CMA1: variants seen among roughly 807,000 people sequenced by gnomAD.
The protein encoded by CMA1 is chymase.
CMA1 carries 24 observed loss-of-function variants against 18.8 expected under a neutral mutation model. That is an observed-to-expected ratio of 1.28 (90% CI 0.92 to 1.80). The LOEUF (loss-of-function observed/expected upper bound fraction) is 1.80, where lower values mean the gene tolerates loss of function less well. Ranked by LOEUF, CMA1 falls within the 40% of genes most tolerant of loss-of-function variation. The pLI, the probability that CMA1 is intolerant of heterozygous loss-of-function variation, is 0.00. For missense variants in CMA1, 421 were observed against 302.8 expected (o/e 1.39, Z -2.90); for synonymous variants, 152 against 117.0 (o/e 1.30, Z -1.93).
rs765509983 is a variant in CMA1 at position 24,505,585 on chromosome 14, C to A, written c.675G>T (p.Lys225Asn). 2 of 1,614,032 alleles carry A rather than the reference C, an allele frequency of 1.2e-6. No individual in the cohort carries two copies. Among genetic ancestry groups the A allele is most frequent in the East Asian group, 4.5e-5 (2 of 44,868 alleles). ...GIVSYGRSDAKPPAVFTRISH... is the reference protein window; with the variant it reads ...GIVSYGRSDANPPAVFTRISH... ...AGATTCGGGTGAAGACAGCAGGGGG[C>A]TTTGCATCCGACCGTCCATAGGATA... Residue 225 changes from lysine (K) to asparagine (N), a missense_variant, in exon 5 of 5, where the codon AAG becomes AAT. Coordinates refer to ENST00000250378, the MANE Select transcript of CMA1 (RefSeq NM_001836.5).
At position 24,506,469 on chromosome 14, in the gene CMA1, C is replaced by G; in HGVS notation, c.345G>C (p.Lys115Asn). The G allele has an allele frequency of 7.4e-6, 12 of 1,614,062 alleles. No individual in the cohort carries two copies. Among genetic ancestry groups the G allele is most frequent in the African/African-American group, 1.3e-5 (1 of 75,000 alleles). Residue 115 changes from lysine (K) to asparagine (N), a missense_variant and splice_region_variant, in exon 3 of 5, where the codon AAG becomes AAC. Physicochemically the swap from Lys to Asn is moderately conservative, Grantham distance 94. Coordinates refer to ENST00000250378, the MANE Select transcript of CMA1 (RefSeq NM_001836.5). ...STLHHDIMLL[K>N]LKEKASLTLA... Reference sequence around the variant, plus strand: ...AAAGGGAGAAGAGAGGTGTTGTCACCTTTAGTAACATGATATCGTGGTGAA... The same window carrying G: ...AAAGGGAGAAGAGAGGTGTTGTCACGTTTAGTAACATGATATCGTGGTGAA...
Position 24,507,451 on chromosome 14 carries a change from G to T in CMA1, c.114C>A (p.Tyr38Ter), listed in dbSNP as rs13306254. 803 of 1,614,180 alleles carry T rather than the reference G, an allele frequency of 5.0e-4. 4 individuals carry two copies. In the East Asian group the frequency reaches 0.015, roughly 29 times the overall value. ...CKPHSRPYMAYLEIVTSNGPS... is the reference protein window; with the variant it reads ...CKPHSRPYMA ...GACCGTTGGAAGTTACAATTTCCAG[G>T]TAGGCCATGTAGGGGCGGGAATGTG... is the stretch of plus-strand genomic sequence containing the variant. Residue 38 changes from tyrosine (Y) to a stop codon, truncating the protein, a stop_gained, in exon 2 of 5, where the codon TAC becomes TAA. Transcript: ENST00000250378. LOFTEE classifies it high-confidence loss of function.
rs1473794083 is a variant in CMA1 at position 24,506,271 on chromosome 14, T to C, written c.357A>G (p.Lys119=). 1.2e-6 allele frequency: 2 copies of C among 1,613,852 alleles called. No individual in the cohort carries two copies. Among genetic ancestry groups the C allele is most frequent in the Non-Finnish European group, 1.7e-6 (2 of 1,179,966 alleles). ...TCCCCACAGCCAGGGTCAGGCTGGC[T>C]TTCTCCTTCAACTGTGAAGGGAATG... ...HDIMLLKLKE[K]ASLTLAVGTL... The change falls in exon 4 of 5, where the codon AAA becomes AAG. Residue 119 remains lysine (K), a synonymous_variant. Coordinates refer to ENST00000250378, the MANE Select transcript of CMA1 (RefSeq NM_001836.5).
rs1337189268 is a variant in CMA1, at chr14:24,506,269, G to A, written c.359C>T (p.Ala120Val). ...DIMLLKLKEK[A>V]SLTLAVGTLP... ...TGTCCCCACAGCCAGGGTCAGGCTG[G>A]CTTTCTCCTTCAACTGTGAAGGGAA... The change falls in exon 4 of 5, where the codon GCC becomes GTC. Residue 120 changes from alanine (A) to valine (V), a missense_variant. By Grantham distance (64) the Ala-to-Val change is moderately conservative (BLOSUM62 0). Transcript: ENST00000250378. 34 of 1,613,936 alleles carry A rather than the reference G, an allele frequency of 2.1e-5. No homozygotes were observed. Among genetic ancestry groups the A allele is most frequent in the Non-Finnish European group, 2.6e-5 (31 of 1,179,952 alleles).
In CMA1 at chr14:24,507,942, G is replaced by A. The variant is rs2138400249; in HGVS notation, c.58+236C>T. ...ACCCCTTTTCCTTCCACTTGCTCTG[G>A]GCTTTTCTACAATTGAGGTGAAATT... On this transcript the variant is annotated intron_variant, in intron 1 of 4. Coordinates refer to ENST00000250378, the MANE Select transcript of CMA1 (RefSeq NM_001836.5). 2.0e-5 allele frequency among the ~76,000 whole-genome samples: 3 copies of A among 151,534 alleles called. No individual in the cohort carries two copies. In the Middle Eastern group the frequency reaches 0.01, roughly 515 times the overall value.
rs888774143 is a variant in CMA1 at position 24,505,737 on chromosome 14, A to G, written c.601-78T>C. 10 of 1,517,200 alleles carry G rather than the reference A, an allele frequency of 6.6e-6. No homozygotes were observed. The African/African-American group carries it at 1.3e-4, about 19-fold the overall frequency. The allele number at this position is 1,517,200 out of a possible 1,614,324, so 94.0% of individuals were successfully genotyped here. On this transcript the variant is annotated intron_variant, in intron 4 of 4. Coordinates refer to ENST00000250378, the MANE Select transcript of CMA1 (RefSeq NM_001836.5). ...TGTCTGCCAGCCAGCTTGGAGTCAC[A>G]GTGAGACCTAAAGTCAGACGCAGGA...
chr14:24,507,995 G>A (rs1020033731), intron 1 of CMA1, 183 bp downstream of exon 1: 2 of 592,410 alleles, frequency 3.4e-6, no homozygotes, highest in South Asian at 2.0e-5. Context: ...GTCCTAGGCT[G>A]TAGAGAATGG....
chr14:24,505,583 GGC>G lies in CMA1; in HGVS notation c.675_676del (p.Lys225AsnfsTer31). 1 of 1,614,032 alleles carries G rather than the reference GGC, an allele frequency of 6.2e-7. No individual in the cohort carries two copies. Among genetic ancestry groups the G allele is most frequent in the African/African-American group, 1.3e-5 (1 of 75,036 alleles). ...GGAGATTCGGGTGAAGACAGCAGGGGGCTTTGCATCCGACCGTCCATAGGATA... is the reference window on the plus strand; with the variant it reads ...GGAGATTCGGGTGAAGACAGCAGGGGTTTGCATCCGACCGTCCATAGGATA... On this transcript the variant is annotated frameshift_variant, in exon 5 of 5. Coordinates refer to ENST00000250378, the MANE Select transcript of CMA1 (RefSeq NM_001836.5). LOFTEE classifies it high-confidence loss of function.
chr14:24,506,121 G>A lies in CMA1; in HGVS notation c.507C>T (p.Leu169=), dbSNP rs1014529037. The A allele has an allele frequency of 3.7e-6, 6 of 1,614,190 alleles. No individual in the cohort carries two copies. In the Admixed American group the frequency reaches 6.7e-5, roughly 18 times the overall value. Residue 169 remains leucine, a synonymous_variant, in exon 4 of 5, where the codon CTC becomes CTT. Transcript: ENST00000250378. ...SDTLQEVKLR[L]MDPQACSHFR... ...AGTGGCTGCAGGCCTGGGGATCCAT[G>A]AGTCTCAGCTTCACCTCTTGCAGAG...
chr14:24,505,666 G>A lies in CMA1; in HGVS notation c.601-7C>T, dbSNP rs778682089. ...GAGGGCCCCCAGAGTCTCCCTGTAG[G>A]GGGAGGAGAGAGAGAAGAAGGTGAG... On this transcript the variant is annotated splice_polypyrimidine_tract_variant and splice_region_variant and intron_variant, in intron 4 of 4. Coordinates refer to ENST00000250378, the MANE Select transcript of CMA1 (RefSeq NM_001836.5). 9 of 1,596,918 alleles carry A rather than the reference G, an allele frequency of 5.6e-6. No homozygotes were observed. The East Asian group carries it at 1.8e-4, about 32-fold the overall frequency.
At position 24,506,604 on chromosome 14, in the gene CMA1, C is replaced by G. The variant is rs754716628; in HGVS notation, c.210G>C (p.Arg70Ser). The change falls in exon 3 of 5, where the codon AGG (arginine) becomes AGC (serine). Residue 70 changes from arginine to serine, a missense_variant and splice_region_variant. Arg to Ser is a moderately radical substitution (Grantham distance 110). Coordinates refer to ENST00000250378, the MANE Select transcript of CMA1 (RefSeq NM_001836.5). ...GGGCTCCAAGGGTGACTGTTATAGACCTGTTGTGAGGAAGAAGGAAGGAAA... is the reference window on the plus strand; with the variant it reads ...GGGCTCCAAGGGTGACTGTTATAGAGCTGTTGTGAGGAAGAAGGAAGGAAA... Reference protein sequence around the residue: ...FVLTAAHCAGRSITVTLGAHN... With the variant: ...FVLTAAHCAGSSITVTLGAHN... The G allele has an allele frequency of 2.5e-6, 4 of 1,613,702 alleles. No individual in the cohort carries two copies. Among genetic ancestry groups the G allele is most frequent in the East Asian group, 2.2e-5 (1 of 44,878 alleles).
chr14:24,505,645 G>A lies in CMA1; in HGVS notation c.615C>T (p.Gly205=), dbSNP rs947727665. ...TKSAFKGDSG[G]PLLCAGVAQG... ...GGGCCACCCCAGCACACAGAAGAGG[G>A]CCCCCAGAGTCTCCCTGTAGGGGGA... Residue 205 remains glycine (G), a synonymous_variant, in exon 5 of 5, where the codon GGC becomes GGT. Coordinates refer to ENST00000250378, the MANE Select transcript of CMA1 (RefSeq NM_001836.5). The A allele has an allele frequency of 1.6e-5, 25 of 1,611,080 alleles. No homozygotes were observed. The Admixed American group carries it at 3.2e-4, about 20-fold the overall frequency.
intron 4 of CMA1, 98 bp from the exon 5 acceptor site, chr14:24,505,757 G>C (rs10140250): frequency 0.99 from 1,428,638 of 1,445,906 alleles, 707,373 homozygotes; most frequent in East Asian, 1. Context: ...AAAGTCAGAC[G>C]CAGGAGGTGG....
intron 4 of CMA1, 136 bp downstream of exon 4, chr14:24,505,892 T>A (rs1566531643): frequency 6.2e-6 from 8 of 1,280,724 alleles, no homozygotes; most frequent in Non-Finnish European, 7.6e-6. Context: ...GAGGCTGTCT[T>A]GGACCACGGG....
Position 24,505,433 on chromosome 14 carries a change from A to G in CMA1, c.*83T>C, listed in dbSNP as rs1236708411. ...GCTTAGGGTTGTGGCTGAGGGACCA[A>G]GGGTAGACCAGAATGAGTGGCACAC... On this transcript the variant is annotated 3_prime_UTR_variant, in exon 5 of 5. Transcript: ENST00000250378. The G allele has an allele frequency of 2.6e-5, 41 of 1,581,236 alleles. 1 individual carries two copies. Among genetic ancestry groups the G allele is most frequent in the Admixed American group, 1.0e-4 (6 of 59,874 alleles).
chr14:24,507,491 C>T lies in CMA1; in HGVS notation c.74G>A (p.Gly25Asp), dbSNP rs1361829193. Residue 25 changes from glycine (G) to aspartate (D), a missense_variant, in exon 2 of 5, where the codon GGC becomes GAC. Physicochemically the swap from Gly to Asp is moderately conservative, Grantham distance 94 (BLOSUM62 -1). Coordinates refer to ENST00000250378, the MANE Select transcript of CMA1 (RefSeq NM_001836.5). ...SRAEAGEIIG[G>D]TECKPHSRPY... is the part of the protein sequence containing the mutation. Reference sequence around the variant, plus strand: ...GCGGGAATGTGGCTTGCATTCTGTGCCCCCGATGATCTCCCCTGGAACAGA... The same window carrying T: ...GCGGGAATGTGGCTTGCATTCTGTGTCCCCGATGATCTCCCCTGGAACAGA... The T allele has an allele frequency of 5.0e-6, 8 of 1,613,494 alleles. No individual in the cohort carries two copies. Among genetic ancestry groups the T allele is most frequent in the Admixed American group, 1.7e-5 (1 of 59,982 alleles).
At position 24,507,464 on chromosome 14, in the gene CMA1, G is replaced by C. The variant is rs995567512; in HGVS notation, c.101C>G (p.Pro34Arg). 1 of 1,614,110 alleles carries C rather than the reference G, an allele frequency of 6.2e-7. No individual in the cohort carries two copies. The highest frequency in any genetic ancestry group is 1.7e-5 in the Admixed American group (1 of 60,016). ...TACAATTTCCAGGTAGGCCATGTAG[G>C]GGCGGGAATGTGGCTTGCATTCTGT... ...GGTECKPHSRPYMAYLEIVTS... is the reference protein window; with the variant it reads ...GGTECKPHSRRYMAYLEIVTS... The change falls in exon 2 of 5, where the codon CCC (proline) becomes CGC (arginine). Residue 34 changes from proline (P) to arginine (R), a missense_variant. Transcript: ENST00000250378.
chr14:24,505,553 T>A lies in CMA1; in HGVS notation c.707A>T (p.Tyr236Phe). ...PPAVFTRISH[Y>F]RPWINQILQA... is the part of the protein sequence containing the mutation. Reference sequence around the variant, plus strand: ...CAGGATCTGGTTGATCCAGGGCCGGTAATGGGAGATTCGGGTGAAGACAGC... The same window carrying A: ...CAGGATCTGGTTGATCCAGGGCCGGAAATGGGAGATTCGGGTGAAGACAGC... The change falls in exon 5 of 5, where the codon TAC becomes TTC. Residue 236 changes from tyrosine to phenylalanine, a missense_variant. Physicochemically the swap from Tyr to Phe is conservative, Grantham distance 22. Transcript: ENST00000250378. The A allele has an allele frequency of 1.9e-6, 3 of 1,614,006 alleles. No individual in the cohort carries two copies. Among genetic ancestry groups the A allele is most frequent in the Non-Finnish European group, 2.5e-6 (3 of 1,179,996 alleles).
rs746872183 is a variant in CMA1 at position 24,506,601 on chromosome 14, A to T, written c.213T>A (p.Ser71=). 2.5e-6 allele frequency: 4 copies of T among 1,613,944 alleles called. No homozygotes were observed. Among genetic ancestry groups the T allele is most frequent in the Non-Finnish European group, 3.4e-6 (4 of 1,179,968 alleles). ...TATGGGCTCCAAGGGTGACTGTTAT[A>T]GACCTGTTGTGAGGAAGAAGGAAGG... is the stretch of plus-strand genomic sequence containing the variant. The part of the protein sequence containing the change: ...VLTAAHCAGR[S]ITVTLGAHNI... The change falls in exon 3 of 5, where the codon TCT becomes TCA. Residue 71 remains serine, a synonymous_variant. Coordinates refer to ENST00000250378, the MANE Select transcript of CMA1 (RefSeq NM_001836.5).
Sources: allele counts gnomAD v4.1 joint callset (sites outside exome capture counted in the v4.1 genomes callset), GRCh38; gene constraint gnomAD v4.1.1; transcripts MANE v1.5; gene names NCBI Gene and HGNC (gene_info 2026-07-23, HGNC 2026-07-21).